FSTL4: variants seen among roughly 807,000 people sequenced by gnomAD.
FSTL4 encodes follistatin like 4.
A neutral mutation model predicts 78.2 loss-of-function variants in FSTL4; 28 were observed. The ratio of observed to expected loss-of-function variants is 0.36; its 90% CI spans 0.27 to 0.49. The LOEUF (loss-of-function observed/expected upper bound fraction) is 0.49, where lower values mean the gene tolerates loss of function less well. Ranked by LOEUF, FSTL4 falls within the 20% of genes least tolerant of loss-of-function variation. The pLI is 0.98. For missense variants in FSTL4, 922 were observed against 1,084.9 expected (o/e 0.85, Z 2.11); for synonymous variants, 422 against 440.5 (o/e 0.96, Z 0.53).
At chr5:133,656,206 C>T in the FSTL4 span, among the ~76,000 whole-genome samples, 5 of 151,868 alleles carry the variant, frequency 3.3e-5, no homozygotes, top group Admixed American at 2.6e-4. Flanking sequence ...AAGAAGCCAA[C>T]AAGGACTGTG....
chr5:133,366,224 G>A (rs1485554955), intron 4 of FSTL4, among the ~76,000 whole-genome samples: 1 of 152,084 alleles, frequency 6.6e-6, no homozygotes, highest in Admixed American at 6.5e-5. Context: ...ATTTTTGGAT[G>A]GCTGACTCCA....
Position 133,512,778 on chromosome 5 carries a change from G to C in FSTL4, c.160+54408C>G, listed in dbSNP as rs574605396. On this transcript the variant is annotated intron_variant, in intron 3 of 15. Coordinates refer to ENST00000265342, the MANE Select transcript of FSTL4 (RefSeq NM_015082.2). The stretch of plus-strand genomic sequence containing the variant: ...GCCTTAGTTGCCAACAGGGAGGTAG[G>C]ACTGGGTGGAAAGGTGATGCCCAGA... 3.4e-3 allele frequency among the ~76,000 whole-genome samples: 519 copies of C among 152,194 alleles called. 3 individuals carry two copies. Among genetic ancestry groups the C allele is most frequent in the African/African-American group, 0.012 (505 of 41,530 alleles).
intron 1 of FSTL4, among the ~76,000 whole-genome samples, chr5:133,610,266 T>C (rs1460752441): frequency 6.6e-6 from 1 of 152,320 alleles, no homozygotes; most frequent in Middle Eastern, 3.4e-3. Flanking sequence ...AAGCTGGCCT[T>C]TTCCAGAAGA....
chr5:133,235,715 A>G (rs1312542906), intron 7 of FSTL4, among the ~76,000 whole-genome samples: 1 of 152,112 alleles, frequency 6.6e-6, no homozygotes, highest in Admixed American at 6.5e-5. Flanking sequence ...TTGTTGTGAA[A>G]CACTGCTCTG....
At chr5:133,746,710 C>CA in the FSTL4 span, among the ~76,000 whole-genome samples, 1 of 151,562 alleles carries the variant, frequency 6.6e-6, no homozygotes, top group African/African-American at 2.4e-5. Flanking sequence ...TGCCACTATA[C>CA]AAAAAAAGCG....
At chr5:133,498,556 T>C (rs187448070) in intron 3 of FSTL4, among the ~76,000 whole-genome samples, 2 of 152,062 alleles carry the variant, frequency 1.3e-5, no homozygotes, top group East Asian at 3.9e-4. Flanking sequence ...CAGTCTCTAC[T>C]AAATATACAA....
At chr5:133,471,597 C>T (rs1757828110) in intron 3 of FSTL4, among the ~76,000 whole-genome samples, 1 of 152,152 alleles carries the variant, frequency 6.6e-6, no homozygotes, top group Admixed American at 6.5e-5. Context: ...TCTGACTTGG[C>T]CAGTGCTTTG....
At chr5:133,209,009 T>A (rs879423825) in intron 14 of FSTL4, among the ~76,000 whole-genome samples, 1 of 152,186 alleles carries the variant, frequency 6.6e-6, no homozygotes, top group Admixed American at 6.5e-5. Flanking sequence ...TGGGAAATCT[T>A]TTTTGTTCTT....
At chr5:133,219,481 T>C (rs1308712350) in intron 12 of FSTL4, among the ~76,000 whole-genome samples, 2 of 152,222 alleles carry the variant, frequency 1.3e-5, no homozygotes, top group East Asian at 1.9e-4. Flanking sequence ...TGCCTTTATC[T>C]GTGACATCAC....
chr5:133,697,730 C>T, the FSTL4 span, among the ~76,000 whole-genome samples: 2 of 152,212 alleles, frequency 1.3e-5, no homozygotes, highest in Non-Finnish European at 2.9e-5. Flanking sequence ...AGTGAGGGCC[C>T]GTTGCCATGG....
At chr5:133,412,636 A>G (rs1050895120) in intron 3 of FSTL4, among the ~76,000 whole-genome samples, 1 of 152,190 alleles carries the variant, frequency 6.6e-6, no homozygotes, top group Non-Finnish European at 1.5e-5. Context: ...TCATTTAAAG[A>G]AAAAGAACGG....
chr5:133,452,301 C>A (rs1327505320), intron 3 of FSTL4, among the ~76,000 whole-genome samples: 1 of 152,236 alleles, frequency 6.6e-6, no homozygotes, highest in Admixed American at 6.5e-5. Context: ...TCATCCTTTG[C>A]TCATATCTCT....
intron 3 of FSTL4, among the ~76,000 whole-genome samples, chr5:133,558,098 C>G (rs1008070645): frequency 6.6e-6 from 1 of 152,180 alleles, no homozygotes; most frequent in Admixed American, 6.5e-5. Context: ...CATCTGTCTG[C>G]AGGACGCTTG....
intron 3 of FSTL4, among the ~76,000 whole-genome samples, chr5:133,443,280 G>A (rs1274446799): frequency 3.9e-5 from 6 of 152,212 alleles, no homozygotes; most frequent in African/African-American, 1.4e-4. Flanking sequence ...GATAAGCGGA[G>A]CTCGATTCCT....
At chr5:133,238,961 T>C (rs1197641176) in intron 7 of FSTL4, among the ~76,000 whole-genome samples, 1 of 152,170 alleles carries the variant, frequency 6.6e-6, no homozygotes, top group Non-Finnish European at 1.5e-5. Context: ...AGGCGGGAAC[T>C]GGCTCCCTCA....
intron 4 of FSTL4, among the ~76,000 whole-genome samples, chr5:133,327,756 A>T (rs1754250110): frequency 6.6e-6 from 1 of 152,092 alleles, no homozygotes; most frequent in Non-Finnish European, 1.5e-5. Context: ...CAGGCAGCTG[A>T]GTTTGCGGCT....
At chr5:133,614,810 A>C (rs1561487748), upstream of FSTL4, among the ~76,000 whole-genome samples, 1 of 152,176 alleles carries the variant, frequency 6.6e-6, no homozygotes, top group Non-Finnish European at 1.5e-5. Flanking sequence ...AGCTAAAAGG[A>C]AACATAAATT....
rs901307128 is a variant in FSTL4, at chr5:133,315,377, A to G, written c.603+1082T>C. Among the ~76,000 whole-genome samples the G allele has an allele frequency of 4.6e-5, 7 of 152,334 alleles. No homozygotes were observed. In the East Asian group the frequency reaches 1.3e-3, roughly 29 times the overall value. ...TCTGCATTCTTTGCCACTATCCTAC[A>G]TAACAACGAACTCTTCTGTGTTTAT... On this transcript the variant is annotated intron_variant, in intron 5 of 15. Transcript: ENST00000265342.
the FSTL4 span, among the ~76,000 whole-genome samples, chr5:133,838,666 G>T: frequency 1.3e-5 from 2 of 152,198 alleles, no homozygotes; most frequent in African/African-American, 4.8e-5. Flanking sequence ...GGAAGCTTCA[G>T]ATTAGTTGGA....
Sources: gnomAD v4.1 joint callset for allele counts (sites outside exome capture counted in the v4.1 genomes callset) on GRCh38, gnomAD v4.1.1 for gene constraint, MANE v1.5 for transcripts, NCBI Gene and HGNC (gene_info 2026-07-23, HGNC 2026-07-21) for gene names.